Variants in BRDT observed in about 807,000 individuals in gnomAD.
BRDT encodes bromodomain testis associated, also known as bromodomain testis-specific protein.
A neutral mutation model predicts 113.9 loss-of-function variants in BRDT; 77 were observed. That is an observed-to-expected ratio of 0.68 (90% CI 0.56 to 0.82). The LOEUF (loss-of-function observed/expected upper bound fraction) is 0.82, where lower values mean the gene tolerates loss of function less well. BRDT is among the 40% of genes least tolerant of loss of function. BRDT has a pLI of 0.00. For missense variants in BRDT, 1,027 were observed against 1,105.4 expected, an observed-to-expected ratio of 0.93 and a Z score of 1.01; for synonymous variants, 358 against 366.5, an observed-to-expected ratio of 0.98 and a Z score of 0.26.
chr1:91,998,145 C>T (rs1356778972), intron 15 of BRDT, among the ~76,000 whole-genome samples: 2 of 152,096 alleles, frequency 1.3e-5, no homozygotes, highest in Non-Finnish European at 2.9e-5. Flanking sequence ...ACCCTTTCCC[C>T]TTCTCATAAA....
At chr1:92,006,513 C>G (rs56041066) in intron 18 of BRDT, among the ~76,000 whole-genome samples, 3 of 152,022 alleles carry the variant, frequency 2.0e-5, no homozygotes, top group Non-Finnish European at 4.4e-5. Flanking sequence ...GTTGCCCAAG[C>G]TGGAGTGCAG....
chr1:91,993,694 G>T (rs1686008600), intron 14 of BRDT, among the ~76,000 whole-genome samples: 1 of 152,068 alleles, frequency 6.6e-6, no homozygotes, highest in African/African-American at 2.4e-5. Context: ...AAGTGAATTG[G>T]TCTCTAGATT....
At chr1:91,972,144 T>G (rs567153099) in intron 4 of BRDT, among the ~76,000 whole-genome samples, 4 of 152,284 alleles carry the variant, frequency 2.6e-5, no homozygotes, top group African/African-American at 9.6e-5. Flanking sequence ...ATTTAAGTAG[T>G]GTTTTTCTAT....
chr1:92,001,116 T>C (rs1686794521), intron 15 of BRDT, among the ~76,000 whole-genome samples: 1 of 152,114 alleles, frequency 6.6e-6, no homozygotes. Context: ...ATCTTTCCCT[T>C]GGAAGCCCTG....
chr1:92,002,176 A>C, intron 16 of BRDT, 27 bp downstream of exon 16: 1 of 1,513,766 alleles, frequency 6.6e-7, no homozygotes, highest in African/African-American at 1.4e-5. Flanking sequence ...TTTTCTAACA[A>C]ATCTTGAAGG....
chr1:92,001,753 T>C (rs1380885414), intron 15 of BRDT, among the ~76,000 whole-genome samples: 4 of 150,834 alleles, frequency 2.7e-5, no homozygotes, highest in Non-Finnish European at 4.4e-5. Context: ...GGAGAGCTGC[T>C]ATAGCATGGG....
At chr1:91,980,020 A>G (rs1684564822) in intron 8 of BRDT, among the ~76,000 whole-genome samples, 1 of 152,180 alleles carries the variant, frequency 6.6e-6, no homozygotes, top group Non-Finnish European at 1.5e-5. Context: ...AAATAGAGAT[A>G]TTTTATGGAT....
intron 13 of BRDT, among the ~76,000 whole-genome samples, chr1:91,991,760 AG>A (rs1233973242): frequency 6.6e-6 from 1 of 152,170 alleles, no homozygotes; most frequent in Non-Finnish European, 1.5e-5. Context: ...TGGGAGGCCG[AG>A]GCGGGCAGAT....
At chr1:91,998,062 A>C (rs1244228895) in intron 15 of BRDT, among the ~76,000 whole-genome samples, 1 of 152,224 alleles carries the variant, frequency 6.6e-6, no homozygotes, top group Non-Finnish European at 1.5e-5. Flanking sequence ...TGATCTCCAC[A>C]TGAAATGGAC....
intron 1 of BRDT, among the ~76,000 whole-genome samples, chr1:91,952,639 G>A (rs1681223528): frequency 6.6e-6 from 1 of 152,092 alleles, no homozygotes. Context: ...CAGGCCATCT[G>A]TTGAAGATAC....
At chr1:91,970,782 A>G (rs1683548334) in intron 4 of BRDT, among the ~76,000 whole-genome samples, 1 of 151,858 alleles carries the variant, frequency 6.6e-6, no homozygotes, top group African/African-American at 2.4e-5. Context: ...AGTGGCATGC[A>G]CTTGTAGTTC....
At position 91,959,432 on chromosome 1, in the gene BRDT, T is replaced by A. The variant is rs1467796717; in HGVS notation, c.-37-3286T>A. 5.2e-3 allele frequency among the ~76,000 whole-genome samples: 780 copies of A among 151,340 alleles called. 2 individuals are homozygous for A. Among genetic ancestry groups the A allele is most frequent in the African/African-American group, 0.018 (752 of 41,292 alleles). On this transcript the variant is annotated intron_variant, in intron 1 of 18. Transcript: ENST00000399546. ...CTCTTTTTCTTTCTTTTTTTTTTTT[T>A]TTTTATTTTACAGGTGAGGTCTCAC... is the stretch of plus-strand genomic sequence containing the variant.
In BRDT at chr1:91,971,059, A is replaced by G. The variant is rs1016860074; in HGVS notation, c.445+2799A>G. 6.6e-5 allele frequency among the ~76,000 whole-genome samples: 10 copies of G among 152,138 alleles called. No individual in the cohort carries two copies. In the East Asian group the frequency reaches 1.2e-3, roughly 18 times the overall value. On this transcript the variant is annotated intron_variant, in intron 4 of 18. Transcript: ENST00000399546. ...GCTTCTGGGCCTCAGGAAGCTTTCAATCATGGTCAAAGGCAAAGAGGGAGC... is the reference window on the plus strand; with the variant it reads ...GCTTCTGGGCCTCAGGAAGCTTTCAGTCATGGTCAAAGGCAAAGAGGGAGC...
intron 1 of BRDT, among the ~76,000 whole-genome samples, chr1:91,961,997 T>A (rs558677703): frequency 4.3e-4 from 65 of 151,360 alleles, no homozygotes; most frequent in Non-Finnish European, 8.5e-4. Context: ...TACAAAAAGT[T>A]AGCCGGGCGT....
At chr1:92,001,132 G>T (rs1185598685) in intron 15 of BRDT, among the ~76,000 whole-genome samples, 1 of 152,030 alleles carries the variant, frequency 6.6e-6, no homozygotes, top group Non-Finnish European at 1.5e-5. Flanking sequence ...CCCTGCACTG[G>T]CTTAGGTCTG....
At chr1:91,979,447 C>G (rs1684509256) in intron 7 of BRDT, 122 bp from the exon 8 acceptor site, 1 of 981,710 alleles carries the variant, frequency 1.0e-6, no homozygotes, top group Non-Finnish European at 1.5e-6. Flanking sequence ...TCTGATATAT[C>G]TTAAAGGAAA....
At chr1:91,971,451 C>T (rs1165536485) in intron 4 of BRDT, among the ~76,000 whole-genome samples, 1 of 152,282 alleles carries the variant, frequency 6.6e-6, no homozygotes, top group Non-Finnish European at 1.5e-5. Context: ...CTACCAGAGT[C>T]ATGTCTTTGT....
chr1:91,956,059 A>G (rs1476502221), intron 1 of BRDT, among the ~76,000 whole-genome samples: 1 of 152,208 alleles, frequency 6.6e-6, no homozygotes, highest in Non-Finnish European at 1.5e-5. Context: ...CAGGCCTTTT[A>G]AAGATATATT....
chr1:91,991,991 C>CAAAAAAAAAAAAAAAAA (rs764759925), intron 13 of BRDT, among the ~76,000 whole-genome samples: 2 of 67,740 alleles, frequency 3.0e-5, no homozygotes, highest in African/African-American at 5.8e-5. Context: ...GACTCTGTCT[C>CAAAAAAAAAAAAAAAAA]AAAAAAAAAA....
Sources: allele counts gnomAD v4.1 joint callset (sites outside exome capture counted in the v4.1 genomes callset), GRCh38; gene constraint gnomAD v4.1.1; transcripts MANE v1.5; gene names NCBI Gene and HGNC (gene_info 2026-07-23, HGNC 2026-07-21).